The following CSMD1 variants were observed in gnomAD, a reference collection of about 807,000 sequenced individuals.
The protein encoded by CSMD1 is CUB and sushi domain-containing protein 1.
A neutral mutation model predicts 417.5 loss-of-function variants in CSMD1; 213 were observed. The ratio of observed to expected loss-of-function variants is 0.51; its 90% CI spans 0.46 to 0.57. The LOEUF (loss-of-function observed/expected upper bound fraction) is 0.57, where lower values mean the gene tolerates loss of function less well. CSMD1 is among the 20% of genes least tolerant of loss of function. The pLI, the probability that CSMD1 is intolerant of heterozygous loss-of-function variation, is 0.00. For missense variants in CSMD1, 6,923 were observed against 4,529.7 expected, an observed-to-expected ratio of 1.53 and a Z score of -15.17; for synonymous variants, 2,862 against 1,736.8, an observed-to-expected ratio of 1.65 and a Z score of -16.11.
chr8:4,297,344 A>T (rs139671502), intron 3 of CSMD1, among the ~76,000 whole-genome samples: 1 of 152,142 alleles, frequency 6.6e-6, no homozygotes, highest in South Asian at 2.1e-4. Flanking sequence ...CTAAAAAAAC[A>T]AAACAAAACA....
intron 5 of CSMD1, among the ~76,000 whole-genome samples, chr8:3,757,477 C>A (rs750233062): frequency 1.1e-4 from 16 of 152,154 alleles, no homozygotes; most frequent in Non-Finnish European, 1.6e-4. Context: ...TTTTCAGTCA[C>A]TTAACAATGT....
At chr8:4,857,778 T>G (rs1361863424) in intron 1 of CSMD1, among the ~76,000 whole-genome samples, 1 of 151,906 alleles carries the variant, frequency 6.6e-6, no homozygotes, top group Non-Finnish European at 1.5e-5. Flanking sequence ...ATCAATAGCT[T>G]ACCAACCAAA....
chr8:4,524,940 A>G (rs1796440468), intron 2 of CSMD1, among the ~76,000 whole-genome samples: 1 of 152,216 alleles, frequency 6.6e-6, no homozygotes, highest in South Asian at 2.1e-4. Flanking sequence ...AAGCCACACT[A>G]TCAGAAAACT....
chr8:3,343,468 C>T lies in CSMD1; in HGVS notation c.3475-18G>A. Reference sequence around the variant, plus strand: ...TCATATACCTGATGAAAATTCACAGCATGAGTCCCTCTATGCCTTCACTGG... The same window carrying T: ...TCATATACCTGATGAAAATTCACAGTATGAGTCCCTCTATGCCTTCACTGG... On this transcript the variant is annotated intron_variant, in intron 22 of 69. Coordinates refer to ENST00000635120, the MANE Select transcript of CSMD1 (RefSeq NM_033225.6). 6.2e-7 allele frequency: 1 copy of T among 1,608,372 alleles called. No individual in the cohort carries two copies. Among genetic ancestry groups the T allele is most frequent in the Non-Finnish European group, 8.5e-7 (1 of 1,175,566 alleles).
intron 5 of CSMD1, among the ~76,000 whole-genome samples, chr8:3,798,742 A>G (rs1800300050): frequency 6.6e-6 from 1 of 152,094 alleles, no homozygotes; most frequent in Admixed American, 6.6e-5. Flanking sequence ...AAATGTCACT[A>G]TAGATCAGTA....
intron 3 of CSMD1, among the ~76,000 whole-genome samples, chr8:4,285,912 C>T (rs1260785429): frequency 6.6e-6 from 1 of 152,116 alleles, no homozygotes; most frequent in South Asian, 2.1e-4. Context: ...ATTTTAAATA[C>T]CATCTGCACA....
chr8:3,827,839 TCA>T (rs945258308), intron 5 of CSMD1, among the ~76,000 whole-genome samples: 5 of 152,154 alleles, frequency 3.3e-5, no homozygotes, highest in Non-Finnish European at 7.3e-5. Context: ...CACTAATAAC[TCA>T]CAGTGCATGT....
At chr8:3,261,579 C>T (rs1315034175) in intron 26 of CSMD1, among the ~76,000 whole-genome samples, 1 of 152,018 alleles carries the variant, frequency 6.6e-6, no homozygotes, top group Non-Finnish European at 1.5e-5. Context: ...CATAGGAGTC[C>T]CAATCTGGAA....
chr8:3,752,265 G>C (rs1432765498), intron 6 of CSMD1, among the ~76,000 whole-genome samples: 3 of 152,158 alleles, frequency 2.0e-5, no homozygotes, highest in Admixed American at 6.5e-5. Context: ...TAAAATTTCA[G>C]GGCAGCTTCT....
intron 1 of CSMD1, among the ~76,000 whole-genome samples, chr8:4,700,733 C>G (rs887071093): frequency 6.6e-6 from 1 of 151,982 alleles, no homozygotes; most frequent in Non-Finnish European, 1.5e-5. Context: ...ATAAAGTCAG[C>G]ACATTTTATT....
At chr8:3,575,108 G>A in intron 9 of CSMD1, 42 bp from the exon 10 acceptor site, 1 of 1,597,184 alleles carries the variant, frequency 6.3e-7, no homozygotes, top group Non-Finnish European at 8.5e-7. Flanking sequence ...ACAACATTGT[G>A]TCAGTTTGGT....
intron 3 of CSMD1, among the ~76,000 whole-genome samples, chr8:4,086,089 C>A (rs933433186): frequency 6.6e-6 from 1 of 152,130 alleles, no homozygotes; most frequent in Non-Finnish European, 1.5e-5. Flanking sequence ...CATATTTAAT[C>A]TCATTTTTCC....
intron 5 of CSMD1, among the ~76,000 whole-genome samples, chr8:3,855,650 A>T (rs1226142601): frequency 3.9e-5 from 6 of 152,036 alleles, no homozygotes; most frequent in Non-Finnish European, 8.8e-5. Context: ...ACATGAATTT[A>T]ATTTTCCTGA....
intron 5 of CSMD1, among the ~76,000 whole-genome samples, chr8:3,763,256 A>T (rs919600335): frequency 1.3e-5 from 2 of 152,110 alleles, no homozygotes; most frequent in Admixed American, 6.5e-5. Flanking sequence ...GGGTGCTTAT[A>T]CTTCGGATAT....
intron 5 of CSMD1, among the ~76,000 whole-genome samples, chr8:3,872,125 T>C (rs1805518198): frequency 6.6e-6 from 1 of 152,244 alleles, no homozygotes; most frequent in African/African-American, 2.4e-5. Flanking sequence ...TTCTTATTTG[T>C]TCTTTTTCTC....
At chr8:3,780,610 G>C (rs952003221) in intron 5 of CSMD1, among the ~76,000 whole-genome samples, 2 of 152,160 alleles carry the variant, frequency 1.3e-5, no homozygotes, top group African/African-American at 4.8e-5. Flanking sequence ...CACTACAACT[G>C]TCATCAAACT....
intron 1 of CSMD1, among the ~76,000 whole-genome samples, chr8:4,819,410 G>C (rs1029622078): frequency 2.6e-5 from 4 of 151,852 alleles, no homozygotes; most frequent in Non-Finnish European, 5.9e-5. Context: ...CATTCTGCAA[G>C]CTTCATAGAG....
chr8:4,345,160 A>C (rs1042725455), intron 3 of CSMD1, among the ~76,000 whole-genome samples: 3 of 152,286 alleles, frequency 2.0e-5, no homozygotes, highest in East Asian at 3.9e-4. Context: ...AAAACAGTGG[A>C]AACAGATTTC....
chr8:4,116,370 C>G (rs868463014), intron 3 of CSMD1, among the ~76,000 whole-genome samples: 12 of 152,250 alleles, frequency 7.9e-5, no homozygotes, highest in Middle Eastern at 6.8e-3. Flanking sequence ...ATACACTTGT[C>G]CAAACCCATG....
Sources: gnomAD v4.1 joint callset for allele counts (sites outside exome capture counted in the v4.1 genomes callset) on GRCh38, gnomAD v4.1.1 for gene constraint, MANE v1.5 for transcripts, NCBI Gene and HGNC (gene_info 2026-07-23, HGNC 2026-07-21) for gene names.